The following PHACTR2 variants were observed in gnomAD, a reference collection of about 807,000 sequenced individuals.
PHACTR2 encodes the protein phosphatase and actin regulator 2.
Under a neutral mutation model 76.0 loss-of-function variants are expected in PHACTR2, and 30 were observed. The observed-to-expected ratio is 0.39, with a 90% CI of 0.30 to 0.54. The LOEUF (loss-of-function observed/expected upper bound fraction) is 0.54, where lower values mean the gene tolerates loss of function less well. Ranked by LOEUF, PHACTR2 falls within the 20% of genes least tolerant of loss-of-function variation. PHACTR2 has a pLI of 0.61. For synonymous variants in PHACTR2, 292 were observed against 292.5 expected, an observed-to-expected ratio of 1.00 and a Z score of 0.02; for missense variants, 696 against 781.1, an observed-to-expected ratio of 0.89 and a Z score of 1.30.
At chr6:143,718,876 T>C (rs941278166) in intron 2 of PHACTR2, among the ~76,000 whole-genome samples, 1 of 119,988 alleles carries the variant, frequency 8.3e-6, no homozygotes, top group Admixed American at 9.8e-5. Flanking sequence ...GTTGGAAGTG[T>C]TTTTTTTTTT....
Position 143,753,718 on chromosome 6 carries a change from C to CATCTTTCTTAGACATCTAGGTGTCT in PHACTR2, c.296-35_296-34insTCTTTCTTAGACATCTAGGTGTCTA. 6.6e-7 allele frequency: 1 copy of CATCTTTCTTAGACATCTAGGTGTCT among 1,505,270 alleles called. No individual in the cohort carries two copies. Among genetic ancestry groups the CATCTTTCTTAGACATCTAGGTGTCT allele is most frequent in the Non-Finnish European group, 9.0e-7 (1 of 1,115,748 alleles). 93.2% of individuals were successfully genotyped at this position (1,505,270 alleles called of 1,614,324 possible). ...GAAAACTTGTTTTTAAGAAAGCCAG[C>CATCTTTCTTAGACATCTAGGTGTCT]AAGTTAGACATCTAGGTGTTTCTTT... On this transcript the variant is annotated intron_variant, in intron 3 of 12. Coordinates refer to ENST00000440869, the MANE Select transcript of PHACTR2 (RefSeq NM_001100164.2). The surrounding 1 kb of genome is among the most constrained non-coding windows in gnomAD (Gnocchi z 4.6).
intron 1 of PHACTR2, among the ~76,000 whole-genome samples, chr6:143,692,342 C>T (rs543302264): frequency 6.6e-6 from 1 of 152,210 alleles, no homozygotes; most frequent in Non-Finnish European, 1.5e-5. Context: ...ATGAAAGAGC[C>T]GGGTGAGAAT....
chr6:143,565,404 G>A (rs1042694425), intron 1 of PHACTR2, among the ~76,000 whole-genome samples: 4 of 152,166 alleles, frequency 2.6e-5, no homozygotes, highest in Admixed American at 6.5e-5. Context: ...GGATCACGAG[G>A]TCAGGAGATC....
rs949055243 is a variant in PHACTR2, at chr6:143,777,931, T to G, written c.1645+548T>G. On this transcript the variant is annotated intron_variant, in intron 9 of 12. Coordinates refer to ENST00000440869, the MANE Select transcript of PHACTR2 (RefSeq NM_001100164.2). The surrounding 1 kb of genome is among the most constrained non-coding windows in gnomAD (Gnocchi z 4.6). ...AACGTTCTCCATTCATTTTCCTACT[T>G]TATTTTCCCATTCTGTTTTTCCCTC... Among the ~76,000 whole-genome samples the G allele has an allele frequency of 3.9e-5, 6 of 152,260 alleles. No individual in the cohort carries two copies. Among genetic ancestry groups the G allele is most frequent in the African/African-American group, 1.4e-4 (6 of 41,470 alleles).
chr6:143,806,171 G>A lies in PHACTR2; in HGVS notation c.1846-886G>A, dbSNP rs1257050783. On this transcript the variant is annotated intron_variant, in intron 11 of 12. Coordinates refer to ENST00000440869, the MANE Select transcript of PHACTR2 (RefSeq NM_001100164.2). The surrounding 1 kb of genome is among the most constrained non-coding windows in gnomAD (Gnocchi z 5.8). ...ACCATCTGTAATCCTGCCACTATTTGTTAACAGATAACTAATGTTAACATT... is the reference window on the plus strand; with the variant it reads ...ACCATCTGTAATCCTGCCACTATTTATTAACAGATAACTAATGTTAACATT... Among the ~76,000 whole-genome samples, 2 of 152,146 alleles carry A rather than the reference G, an allele frequency of 1.3e-5. No individual in the cohort carries two copies. The highest frequency in any genetic ancestry group is 2.4e-5 in the African/African-American group (1 of 41,438).
rs529371949 is a variant in PHACTR2 at position 143,553,984 on chromosome 6, C to T, written c.217+16777C>T. On this transcript the variant is annotated intron_variant, in intron 1 of 11. Coordinates refer to the PHACTR2 transcript ENST00000367584. This position sits in a 1 kb window ranked among gnomAD's most constrained non-coding sequence, Gnocchi z 4.2. ...AAGGCCCCAAGGAACAGAAAAGAAT[C>T]CCGGGTTGGGCCCCTGTAGACCACC... Among the ~76,000 whole-genome samples the T allele has an allele frequency of 6.6e-6, 1 of 152,272 alleles. No individual in the cohort carries two copies. Among genetic ancestry groups the T allele is most frequent in the African/African-American group, 2.4e-5 (1 of 41,548 alleles).
rs1775776405 is a variant in PHACTR2, at chr6:143,794,105, C to A, written c.1845+5195C>A. Reference sequence around the variant, plus strand: ...TAATGCACGGTACTTTTAATAATTTCTAAAAATACCATTTACTACCTAACA... The same window carrying A: ...TAATGCACGGTACTTTTAATAATTTATAAAAATACCATTTACTACCTAACA... On this transcript the variant is annotated intron_variant, in intron 11 of 12. Coordinates refer to ENST00000440869, the MANE Select transcript of PHACTR2 (RefSeq NM_001100164.2). The surrounding 1 kb of genome is among the most constrained non-coding windows in gnomAD (Gnocchi z 4.1). Among the ~76,000 whole-genome samples the A allele has an allele frequency of 6.6e-6, 1 of 151,722 alleles. No homozygotes were observed. Among genetic ancestry groups the A allele is most frequent in the Non-Finnish European group, 1.5e-5 (1 of 67,960 alleles).
intron 1 of PHACTR2, among the ~76,000 whole-genome samples, chr6:143,670,185 G>A (rs564988839): frequency 4.6e-5 from 7 of 152,296 alleles, no homozygotes; most frequent in African/African-American, 1.7e-4. Context: ...CTGTCCTCTG[G>A]CTTGTAGGGT....
chr6:143,645,262 A>G (rs1338394014), intron 1 of PHACTR2, among the ~76,000 whole-genome samples: 1 of 151,380 alleles, frequency 6.6e-6, no homozygotes, highest in Non-Finnish European at 1.5e-5. Context: ...CCCATCAATC[A>G]ACGAGTGGAA....
rs957878485 is a variant in PHACTR2, at chr6:143,772,102, G to T, written c.1233-156G>T. 3.9e-5 allele frequency among the ~76,000 whole-genome samples: 6 copies of T among 152,158 alleles called. No individual in the cohort carries two copies. Among genetic ancestry groups the T allele is most frequent in the South Asian group, 2.1e-4 (1 of 4,820 alleles). ...AAAATGTAAAACCTTGAGAATTAAGGTTTCATTTCAGTGACTTTAGCCTGG... is the reference window on the plus strand; with the variant it reads ...AAAATGTAAAACCTTGAGAATTAAGTTTTCATTTCAGTGACTTTAGCCTGG... On this transcript the variant is annotated intron_variant, in intron 6 of 12. Coordinates refer to ENST00000440869, the MANE Select transcript of PHACTR2 (RefSeq NM_001100164.2). The surrounding 1 kb of genome is among the most constrained non-coding windows in gnomAD (Gnocchi z 5.4).
chr6:143,589,557 C>A lies in PHACTR2; in HGVS notation c.217+52350C>A, dbSNP rs1201676272. On this transcript the variant is annotated intron_variant, in intron 1 of 11. Transcript: ENST00000367584. This position sits in a 1 kb window ranked among gnomAD's most constrained non-coding sequence, Gnocchi z 4.4. ...CTTGCAATGCGAGAACAGACTGATA[C>A]AACTGCCGTCTTGTATCCTCAGGTG... 2.6e-5 allele frequency among the ~76,000 whole-genome samples: 4 copies of A among 152,196 alleles called. No homozygotes were observed. Among genetic ancestry groups the A allele is most frequent in the Admixed American group, 6.5e-5 (1 of 15,274 alleles).
rs78388724 is a variant in PHACTR2 at position 143,657,290 on chromosome 6, A to G, written c.13+48968A>G. Reference sequence around the variant, plus strand: ...AATGTACATACAGTGAACAATTCAGAGTTTTGTCAATTTCATACAGCCATG... The same window carrying G: ...AATGTACATACAGTGAACAATTCAGGGTTTTGTCAATTTCATACAGCCATG... On this transcript the variant is annotated intron_variant, in intron 1 of 11. Coordinates refer to the PHACTR2 transcript ENST00000305766. 2.4e-3 allele frequency among the ~76,000 whole-genome samples: 360 copies of G among 152,250 alleles called. 3 individuals carry two copies. Among genetic ancestry groups the G allele is most frequent in the African/African-American group, 8.3e-3 (343 of 41,542 alleles).
chr6:143,697,883 C>G lies in PHACTR2; in HGVS notation c.47-14133C>G, dbSNP rs1297698771. On this transcript the variant is annotated intron_variant, in intron 1 of 12. Coordinates refer to ENST00000440869, the MANE Select transcript of PHACTR2 (RefSeq NM_001100164.2). This position sits in a 1 kb window ranked among gnomAD's most constrained non-coding sequence, Gnocchi z 4.4. ...GAATAAAATCAACTTGCTCCCTGTC[C>G]TCATGGGACTCCTAATCTAGTGGTG... Among the ~76,000 whole-genome samples the G allele has an allele frequency of 1.3e-5, 2 of 152,146 alleles. No homozygotes were observed. Among genetic ancestry groups the G allele is most frequent in the African/African-American group, 4.8e-5 (2 of 41,438 alleles).
In PHACTR2 at chr6:143,616,214, A is replaced by G. The variant is rs1370151067; in HGVS notation, c.13+7892A>G. Among the ~76,000 whole-genome samples, 1 of 152,224 alleles carries G rather than the reference A, an allele frequency of 6.6e-6. No homozygotes were observed. Among genetic ancestry groups the G allele is most frequent in the Non-Finnish European group, 1.5e-5 (1 of 68,028 alleles). ...TCACATAAACCAATTTTTTCCAAAT[A>G]TTTAATCTTCTAATTAGGAATAGTG... is the stretch of plus-strand genomic sequence containing the variant. On this transcript the variant is annotated intron_variant, in intron 1 of 11. Coordinates refer to the PHACTR2 transcript ENST00000305766. The surrounding 1 kb of genome is among the most constrained non-coding windows in gnomAD (Gnocchi z 4.9).
chr6:143,793,141 A>G lies in PHACTR2; in HGVS notation c.1845+4231A>G, dbSNP rs115753090. 6.7e-3 allele frequency among the ~76,000 whole-genome samples: 1,023 copies of G among 152,356 alleles called. 13 individuals are homozygous for G. Among genetic ancestry groups the G allele is most frequent in the African/African-American group, 0.022 (910 of 41,578 alleles). On this transcript the variant is annotated intron_variant, in intron 11 of 12. Transcript: ENST00000440869. The surrounding 1 kb of genome is among the most constrained non-coding windows in gnomAD (Gnocchi z 4.4). Reference sequence around the variant, plus strand: ...AGTTGCCAAGTATGCAAGCAGGGAGAGTCTAAATGACTAACCACCCTCATG... The same window carrying G: ...AGTTGCCAAGTATGCAAGCAGGGAGGGTCTAAATGACTAACCACCCTCATG...
At chr6:143,786,392 C>T (rs979568280) in intron 10 of PHACTR2, among the ~76,000 whole-genome samples, 1 of 152,234 alleles carries the variant, frequency 6.6e-6, no homozygotes, top group Non-Finnish European at 1.5e-5. Flanking sequence ...GCATTTTTGT[C>T]AAAGCCATTT....
At position 143,790,933 on chromosome 6, in the gene PHACTR2, T is replaced by C. The variant is rs577352258; in HGVS notation, c.1845+2023T>C. On this transcript the variant is annotated intron_variant, in intron 11 of 12. Transcript: ENST00000440869. The stretch of plus-strand genomic sequence containing the variant: ...ACATTGTGATCTGCCCGCCTCGGCC[T>C]CCCAAAGTGCTGGGATTACAGGCGT... 9.6e-4 allele frequency among the ~76,000 whole-genome samples: 146 copies of C among 152,306 alleles called. 1 individual carries two copies. Among genetic ancestry groups the C allele is most frequent in the African/African-American group, 3.3e-3 (138 of 41,572 alleles).
chr6:143,752,396 TTAA>T (rs1261139620), intron 3 of PHACTR2, among the ~76,000 whole-genome samples: 3 of 152,084 alleles, frequency 2.0e-5, no homozygotes, highest in African/African-American at 7.2e-5. Flanking sequence ...TTCTTGGGAT[TTAA>T]TAATAGGATT....
At chr6:143,629,991 G>A (rs1172991072) in intron 1 of PHACTR2, among the ~76,000 whole-genome samples, 2 of 151,982 alleles carry the variant, frequency 1.3e-5, no homozygotes, top group East Asian at 3.9e-4. Context: ...CAGTATTACA[G>A]CTCTTCTGTT....
Sources: gnomAD v4.1 joint callset for allele counts (sites outside exome capture counted in the v4.1 genomes callset) on GRCh38, gnomAD v4.1.1 for gene constraint, Gnocchi (gnomAD v3.1) non-coding constraint, MANE v1.5 for transcripts, NCBI Gene and HGNC (gene_info 2026-07-23, HGNC 2026-07-21) for gene names.